EMP1: variants seen among roughly 807,000 people sequenced by gnomAD.
EMP1 encodes tumor-associated membrane protein.
Under a neutral mutation model 15.7 loss-of-function variants are expected in EMP1, and 5 were observed. The observed-to-expected ratio is 0.32, with a 90% confidence interval of 0.17 to 0.67. The LOEUF is 0.67. Ranked by LOEUF, EMP1 falls within the 30% of genes least tolerant of loss-of-function variation. The probability of loss-of-function intolerance (pLI) is 0.74; values close to 1 mark genes in which losing one functional copy is unlikely to be tolerated. For synonymous variants in EMP1, 78 were observed against 76.7 expected, an observed-to-expected ratio of 1.02 and a Z score of -0.09; for missense variants, 166 against 194.2, an observed-to-expected ratio of 0.85 and a Z score of 0.86.
At chr12:13,213,657 G>A in intron 3 of EMP1, 24 bp from the exon 4 acceptor site, 1 of 1,613,926 alleles carries the variant, frequency 6.2e-7, no homozygotes, top group Non-Finnish European at 8.5e-7. Flanking sequence ...TCATGCCCTT[G>A]TTCTCCTCGT....
In EMP1 at chr12:13,214,685, G is replaced by A. The variant is rs150300975; in HGVS notation, c.468G>A (p.Lys156=). The A allele has an allele frequency of 9.3e-6, 15 of 1,608,720 alleles. No homozygotes were observed. In the African/African-American group the frequency reaches 1.9e-4, roughly 20 times the overall value. ...IIGVLYLVLR[K]K The stretch of plus-strand genomic sequence containing the variant: ...GCGTTCTCTATCTGGTCCTGAGAAA[G>A]AAATAAGGCCGGACGAGTTCATGGG... Residue 156 remains lysine, a synonymous_variant, in exon 5 of 5, where the codon AAG becomes AAA. Coordinates refer to ENST00000256951, the MANE Select transcript of EMP1 (RefSeq NM_001423.3).
At position 13,211,428 on chromosome 12, in the gene EMP1, T is replaced by C; in HGVS notation, c.-42-41T>C. The C allele has an allele frequency of 1.4e-6, 2 of 1,427,472 alleles. No individual in the cohort carries two copies. The highest frequency in any genetic ancestry group is 2.4e-5 in the South Asian group (2 of 84,498). 88.4% of individuals were successfully genotyped at this position (1,427,472 alleles called of 1,614,324 possible). On this transcript the variant is annotated intron_variant, in intron 1 of 4. Coordinates refer to ENST00000256951, the MANE Select transcript of EMP1 (RefSeq NM_001423.3). This position sits in a 1 kb window ranked among gnomAD's most constrained non-coding sequence, Gnocchi z 4.7. Reference sequence around the variant, plus strand: ...GGGAAAGCTGAGTCGTCTTATTGAATCTGACAGTAACCGTTTTTGTCCCTT... The same window carrying C: ...GGGAAAGCTGAGTCGTCTTATTGAACCTGACAGTAACCGTTTTTGTCCCTT...
At chr12:13,208,236 C>T (rs1267306850) in intron 1 of EMP1, among the ~76,000 whole-genome samples, 2 of 152,130 alleles carry the variant, frequency 1.3e-5, no homozygotes, top group Non-Finnish European at 2.9e-5. Flanking sequence ...AATGAATCTC[C>T]CCACAAGCTA....
At position 13,219,244 on chromosome 12, in the gene EMP1, A is replaced by G. The variant is rs1228996561; in HGVS notation, c.*4553A>G. 6.6e-6 allele frequency: 1 copy of G among 152,204 alleles called. No homozygotes were observed. The highest frequency in any genetic ancestry group is 1.9e-4 in the East Asian group (1 of 5,194). The allele number at this position is 152,204 out of a possible 1,614,324, so 9.4% of individuals were successfully genotyped here. On this transcript the variant is annotated 3_prime_UTR_variant, in exon 5 of 5. Coordinates refer to ENST00000256951, the MANE Select transcript of EMP1 (RefSeq NM_001423.3). ...CAGAACACTAGCATAAGATGTCAAT[A>G]TGTCTATCCATATGTCAGGTCCATA...
At chr12:13,208,516 G>C (rs1864133846) in intron 1 of EMP1, among the ~76,000 whole-genome samples, 1 of 152,136 alleles carries the variant, frequency 6.6e-6, no homozygotes, top group Non-Finnish European at 1.5e-5. Flanking sequence ...TTGGGGGGAA[G>C]GCCATTGAAA....
intron 1 of EMP1, among the ~76,000 whole-genome samples, chr12:13,206,094 A>G (rs1864108619): frequency 1.3e-5 from 2 of 152,206 alleles, no homozygotes; most frequent in South Asian, 2.1e-4. Context: ...TGAACTGGAC[A>G]GTAGCAATGG....
intron 1 of EMP1, among the ~76,000 whole-genome samples, chr12:13,199,964 CTTTTT>C (rs60389913): frequency 9.3e-6 from 1 of 107,598 alleles, no homozygotes. Flanking sequence ...TCTTCTTCTT[CTTTTT>C]TTTTTTTTTT....
chr12:13,210,659 T>A (rs1864157034), intron 1 of EMP1, among the ~76,000 whole-genome samples: 1 of 152,238 alleles, frequency 6.6e-6, no homozygotes, highest in South Asian at 2.1e-4. Context: ...GAAGGCACAT[T>A]TGGTGCTATC....
Position 13,207,337 on chromosome 12 carries a change from T to A in EMP1, c.-42-4132T>A, listed in dbSNP as rs146583593. Among the ~76,000 whole-genome samples the A allele has an allele frequency of 1.8e-4, 28 of 152,324 alleles. No homozygotes were observed. The Middle Eastern group carries it at 0.017, about 93-fold the overall frequency. On this transcript the variant is annotated intron_variant, in intron 1 of 4. Coordinates refer to ENST00000256951, the MANE Select transcript of EMP1 (RefSeq NM_001423.3). ...CACGTTAGCCAGGATGATCTCGAAC[T>A]CCCTCAGGGTTATTTCTACTGACTA...
At chr12:13,199,964 CTT>C (rs60389913) in intron 1 of EMP1, among the ~76,000 whole-genome samples, 106 of 107,498 alleles carry the variant, frequency 9.9e-4, no homozygotes, top group Non-Finnish European at 1.2e-3. Flanking sequence ...TCTTCTTCTT[CTT>C]TTTTTTTTTT....
chr12:13,208,850 G>C (rs946619347), intron 1 of EMP1, among the ~76,000 whole-genome samples: 3 of 152,140 alleles, frequency 2.0e-5, no homozygotes, highest in Non-Finnish European at 4.4e-5. Flanking sequence ...TGGATCCAGG[G>C]GCCAGGCACT....
At chr12:13,203,294 A>C (rs1289768092) in intron 1 of EMP1, among the ~76,000 whole-genome samples, 1 of 152,206 alleles carries the variant, frequency 6.6e-6, no homozygotes, top group Non-Finnish European at 1.5e-5. Flanking sequence ...GTTTGTCAAA[A>C]GCAGAAGGCA....
Position 13,213,530 on chromosome 12 carries a change from T to A in EMP1, c.130T>A (p.Cys44Ser), listed in dbSNP as rs935564663. 3.7e-6 allele frequency: 6 copies of A among 1,614,110 alleles called. No individual in the cohort carries two copies. The highest frequency in any genetic ancestry group is 5.1e-6 in the Non-Finnish European group (6 of 1,180,052). Residue 44 changes from cysteine to serine, a missense_variant, in exon 3 of 5, where the codon TGT becomes AGT. Coordinates refer to ENST00000256951, the MANE Select transcript of EMP1 (RefSeq NM_001423.3). ...TGCATCAGTAGGTCTTTGGAAAAAC[T>A]GTACCAACATTAGCTGCAGTGACAG... Reference protein sequence around the residue: ...VDASVGLWKNCTNISCSDSLS... With the variant: ...VDASVGLWKNSTNISCSDSLS...
chr12:13,197,784 A>G (rs999778329), intron 1 of EMP1, among the ~76,000 whole-genome samples: 8 of 152,212 alleles, frequency 5.3e-5, no homozygotes, highest in Non-Finnish European at 7.3e-5. Context: ...CAAAAAGGAA[A>G]AAAAAGAAAA....
chr12:13,203,068 A>G (rs1174330305), intron 1 of EMP1, among the ~76,000 whole-genome samples: 1 of 152,122 alleles, frequency 6.6e-6, no homozygotes, highest in Non-Finnish European at 1.5e-5. Context: ...AGCCCACCTG[A>G]TGGGTCTGGG....
chr12:13,212,314 T>A (rs1331988828), intron 2 of EMP1, among the ~76,000 whole-genome samples: 1 of 152,184 alleles, frequency 6.6e-6, no homozygotes, highest in Non-Finnish European at 1.5e-5. Context: ...TGTGCTTTTC[T>A]CAGAAAAAAG....
At position 13,214,914 on chromosome 12, in the gene EMP1, G is replaced by A; in HGVS notation, c.*223G>A. 1 of 476,974 alleles carries A rather than the reference G, an allele frequency of 2.1e-6. No homozygotes were observed. The highest frequency in any genetic ancestry group is 3.8e-6 in the Non-Finnish European group (1 of 260,726). The allele number at this position is 476,974 out of a possible 1,614,324, so 29.5% of individuals were successfully genotyped here. A position where few individuals can be genotyped will look rare whatever the true frequency, so the allele number is the denominator to read the frequency against. ...GCTAGTACTTTGATGCTCCCTTGATGGGGTCCAGAGAGCCTCCCTGCAGCC... is the reference window on the plus strand; with the variant it reads ...GCTAGTACTTTGATGCTCCCTTGATAGGGTCCAGAGAGCCTCCCTGCAGCC... On this transcript the variant is annotated 3_prime_UTR_variant, in exon 5 of 5. Coordinates refer to ENST00000256951, the MANE Select transcript of EMP1 (RefSeq NM_001423.3).
intron 2 of EMP1, 121 bp from the exon 3 acceptor site, chr12:13,213,358 T>A (rs1320655358): frequency 1.1e-6 from 1 of 875,766 alleles, no homozygotes; most frequent in Non-Finnish European, 1.8e-6. Context: ...TGCATAGCCA[T>A]AGTTATAGCT....
chr12:13,197,948 G>A (rs1392436371), intron 1 of EMP1, among the ~76,000 whole-genome samples: 4 of 152,136 alleles, frequency 2.6e-5, no homozygotes, highest in African/African-American at 9.7e-5. Context: ...GGGCGGGGGA[G>A]GCAAAAGGGA....
Sources: allele counts gnomAD v4.1 joint callset (sites outside exome capture counted in the v4.1 genomes callset), GRCh38; gene constraint gnomAD v4.1.1; non-coding constraint Gnocchi (gnomAD v3.1); transcripts MANE v1.5; gene names NCBI Gene and HGNC (gene_info 2026-07-23, HGNC 2026-07-21).